The following CDK19 variants were observed in gnomAD, a reference collection of about 807,000 sequenced individuals.
CDK19 encodes cyclin dependent kinase 19.
CDK19 carries 20 observed loss-of-function variants against 68.3 expected under a neutral mutation model. The ratio of observed to expected loss-of-function variants is 0.29; its 90% CI spans 0.21 to 0.43. The LOEUF is 0.43. Ranked by LOEUF, CDK19 falls within the 20% of genes least tolerant of loss-of-function variation. CDK19 has a pLI of 1.00. For missense variants in CDK19, 339 were observed against 623.5 expected, an observed-to-expected ratio of 0.54 and a Z score of 4.86; for synonymous variants, 221 against 222.8, an observed-to-expected ratio of 0.99 and a Z score of 0.07.
chr6:110,696,552 C>T (rs1773502265), intron 2 of CDK19, among the ~76,000 whole-genome samples: 1 of 152,138 alleles, frequency 6.6e-6, no homozygotes, highest in Non-Finnish European at 1.5e-5. Flanking sequence ...AAAAGGAGGT[C>T]AAAGTGTCGC....
chr6:110,626,819 T>C lies in CDK19; in HGVS notation c.817A>G (p.Met273Val), dbSNP rs751624560. ...ADKDWEDIRK[M>V]PEYPTLQKDF... ...TTTTGAAGTGTGGGATATTCTGGCATCTTTCTAATATCTTCCCAGTCTTTA... is the reference window on the plus strand; with the variant it reads ...TTTTGAAGTGTGGGATATTCTGGCACCTTTCTAATATCTTCCCAGTCTTTA... Residue 273 changes from methionine to valine, a missense_variant, in exon 8 of 13, where the codon ATG (methionine) becomes GTG (valine). Physicochemically the swap from Met to Val is conservative, Grantham distance 21. Around this residue, in one of 4 missense-constraint regions of CDK19, gnomAD observed 63 missense variants for 156.5 expected, o/e 0.40. Transcript: ENST00000368911. 6.3e-7 allele frequency: 1 copy of C among 1,581,090 alleles called. No homozygotes were observed. Among genetic ancestry groups the C allele is most frequent in the Non-Finnish European group, 8.6e-7 (1 of 1,158,142 alleles).
intron 1 of CDK19, among the ~76,000 whole-genome samples, chr6:110,748,385 G>A (rs912315615): frequency 3.9e-5 from 6 of 151,962 alleles, no homozygotes; most frequent in African/African-American, 1.2e-4. Flanking sequence ...ACAGGAACAA[G>A]GAACAAACCC....
chr6:110,775,246 A>C (rs1780320147), intron 1 of CDK19, among the ~76,000 whole-genome samples: 1 of 152,212 alleles, frequency 6.6e-6, no homozygotes, highest in Non-Finnish European at 1.5e-5. Flanking sequence ...TCCATCTCAA[A>C]AAAAGAAAGA....
intron 4 of CDK19, among the ~76,000 whole-genome samples, chr6:110,667,035 C>T (rs553631055): frequency 1.3e-5 from 2 of 152,040 alleles, no homozygotes; most frequent in East Asian, 1.9e-4. Context: ...GATGCAATGT[C>T]ATTATTTCAG....
chr6:110,726,560 G>T (rs551147940), intron 2 of CDK19, among the ~76,000 whole-genome samples: 3 of 152,214 alleles, frequency 2.0e-5, no homozygotes, highest in East Asian at 3.9e-4. Flanking sequence ...GGTGGGGAGG[G>T]ATCTTAAATC....
intron 1 of CDK19, among the ~76,000 whole-genome samples, chr6:110,766,314 C>CCATG (rs1305963020): frequency 2.6e-5 from 4 of 152,014 alleles, no homozygotes; most frequent in Admixed American, 2.0e-4. Context: ...GTGGCTCACA[C>CCATG]CTGTAATCCC....
At chr6:110,697,296 C>T (rs747695720) in intron 2 of CDK19, among the ~76,000 whole-genome samples, 1 of 151,536 alleles carries the variant, frequency 6.6e-6, no homozygotes, top group Non-Finnish European at 1.5e-5. Flanking sequence ...TTTCAAATTA[C>T]AAGATCAATG....
chr6:110,618,247 C>T (rs566458631), intron 12 of CDK19, among the ~76,000 whole-genome samples: 1 of 152,284 alleles, frequency 6.6e-6, no homozygotes, highest in East Asian at 1.9e-4. Flanking sequence ...ATTATCCTGC[C>T]TCAGCCTCCC....
intron 1 of CDK19, 177 bp downstream of exon 1, chr6:110,814,832 C>G: frequency 1.2e-6 from 1 of 826,016 alleles, no homozygotes; most frequent in South Asian, 1.5e-5. Context: ...GACGGGGCCG[C>G]GCGGGGGAGG....
chr6:110,811,355 T>C (rs1315791660), intron 1 of CDK19, among the ~76,000 whole-genome samples: 1 of 152,160 alleles, frequency 6.6e-6, no homozygotes, highest in Admixed American at 6.5e-5. Context: ...CAACCACTCA[T>C]TTGAAACCCT....
chr6:110,746,324 T>C (rs1157655832), intron 1 of CDK19, 123 bp from the exon 2 acceptor site: 1 of 515,808 alleles, frequency 1.9e-6, no homozygotes, highest in African/African-American at 2.0e-5. Flanking sequence ...CATTATACCA[T>C]GTATTGCTTA....
intron 5 of CDK19, among the ~76,000 whole-genome samples, chr6:110,634,166 T>A (rs1218439389): frequency 1.3e-5 from 2 of 152,210 alleles, no homozygotes; most frequent in African/African-American, 4.8e-5. Context: ...TACATTTACA[T>A]AAGCAGAACA....
At chr6:110,739,025 G>A (rs937781818) in intron 2 of CDK19, among the ~76,000 whole-genome samples, 26 of 152,228 alleles carry the variant, frequency 1.7e-4, no homozygotes, top group African/African-American at 5.5e-4. Context: ...ACTGAGCAGA[G>A]GTGAATGAGG....
At chr6:110,691,734 G>A (rs557766413) in intron 2 of CDK19, among the ~76,000 whole-genome samples, 45 of 150,748 alleles carry the variant, frequency 3.0e-4, no homozygotes, top group South Asian at 1.9e-3. Context: ...TGCAACCTCC[G>A]CCTCCTGAGT....
At chr6:110,732,143 T>A (rs1408152883) in intron 2 of CDK19, among the ~76,000 whole-genome samples, 1 of 151,978 alleles carries the variant, frequency 6.6e-6, no homozygotes, top group Non-Finnish European at 1.5e-5. Flanking sequence ...AAAGGTTTGT[T>A]TCCTAAATCT....
chr6:110,770,189 A>C (rs1463097500), intron 1 of CDK19, among the ~76,000 whole-genome samples: 1 of 152,232 alleles, frequency 6.6e-6, no homozygotes, highest in Non-Finnish European at 1.5e-5. Context: ...CATACTATCC[A>C]ACTTCACATA....
In CDK19 at chr6:110,614,465, T is replaced by G; in HGVS notation, c.*70A>C. 6.6e-7 allele frequency: 1 copy of G among 1,524,590 alleles called. No individual in the cohort carries two copies. Among genetic ancestry groups the G allele is most frequent in the South Asian group, 1.2e-5 (1 of 84,440 alleles). The allele number at this position is 1,524,590 out of a possible 1,614,324, so 94.4% of individuals were successfully genotyped here. A position where few individuals can be genotyped will look rare whatever the true frequency, so the allele number is the denominator to read the frequency against. ...GCATCATAGTTTGCATTTTTTTGGTTCTTTTCAATGCAGACATATTGCTGG... is the reference window on the plus strand; with the variant it reads ...GCATCATAGTTTGCATTTTTTTGGTGCTTTTCAATGCAGACATATTGCTGG... On this transcript the variant is annotated 3_prime_UTR_variant, in exon 13 of 13. Transcript: ENST00000368911.
Position 110,621,256 on chromosome 6 carries a change from C to A in CDK19, c.1225G>T (p.Ala409Ser). The change falls in exon 12 of 13, where the codon GCA (alanine) becomes TCA (serine). Residue 409 changes from alanine (A) to serine (S), a missense_variant. Transcript: ENST00000368911. The surrounding 1 kb of genome is among the most constrained non-coding windows in gnomAD (Gnocchi z 5.4). ...CCGACCCCGGCCCCAGCCCCACCTG[C>A]GGTCCCGTTGGTCTGGGTGCTGTTC... is the stretch of plus-strand genomic sequence containing the variant. ...QQNSTQTNGT[A>S]GGAGAGVGGT... 1.2e-6 allele frequency: 2 copies of A among 1,613,142 alleles called. No individual in the cohort carries two copies. Among genetic ancestry groups the A allele is most frequent in the South Asian group, 1.1e-5 (1 of 91,012 alleles).
intron 2 of CDK19, among the ~76,000 whole-genome samples, chr6:110,704,125 CA>C (rs1315058497): frequency 6.6e-6 from 1 of 152,134 alleles, no homozygotes; most frequent in Non-Finnish European, 1.5e-5. Flanking sequence ...GTTCTGATTA[CA>C]ACACAATCTA....
Sources: allele counts gnomAD v4.1 joint callset (sites outside exome capture counted in the v4.1 genomes callset), GRCh38; gene constraint gnomAD v4.1.1; regional missense constraint gnomAD v4.1.1; non-coding constraint Gnocchi (gnomAD v3.1); transcripts MANE v1.5; gene names NCBI Gene and HGNC (gene_info 2026-07-23, HGNC 2026-07-21).